The following GRIN2B variants were observed in gnomAD, a reference collection of about 807,000 sequenced individuals.
The protein encoded by GRIN2B is glutamate ionotropic receptor NMDA type subunit 2B, also known as glutamate receptor ionotropic, NMDA 2B.
In GRIN2B, 5 loss-of-function variants were observed where a neutral mutation model predicts 114.5. The ratio of observed to expected loss-of-function variants is 0.04; its 90% CI spans 0.02 to 0.09. The LOEUF (loss-of-function observed/expected upper bound fraction) is 0.09. Ranked by LOEUF, GRIN2B falls within the 10% of genes least tolerant of loss-of-function variation. GRIN2B has a pLI of 1.00. For synonymous variants in GRIN2B, 787 were observed against 745.1 expected, an observed-to-expected ratio of 1.06 and a Z score of -0.92; for missense variants, 1,108 against 1,943.5, an observed-to-expected ratio of 0.57 and a Z score of 8.08.
chr12:13,845,612 C>T (rs1330496788), intron 3 of GRIN2B, among the ~76,000 whole-genome samples: 2 of 152,144 alleles, frequency 1.3e-5, no homozygotes, highest in African/African-American at 4.8e-5. Context: ...CTTAATCTTT[C>T]TTGGCCTCAG....
At chr12:13,750,518 C>T (rs575226181) in intron 4 of GRIN2B, among the ~76,000 whole-genome samples, 5 of 152,312 alleles carry the variant, frequency 3.3e-5, no homozygotes, top group African/African-American at 7.2e-5. Flanking sequence ...TTGATTTCTT[C>T]GTGTTGTTGG....
chr12:13,742,043 A>T (rs913357069), intron 4 of GRIN2B, among the ~76,000 whole-genome samples: 18 of 152,240 alleles, frequency 1.2e-4, no homozygotes, highest in African/African-American at 4.1e-4. Context: ...TTAATGGAAA[A>T]TTTCAGAAAG....
At chr12:13,865,269 T>G (rs1233246190) in intron 3 of GRIN2B, among the ~76,000 whole-genome samples, 1 of 152,156 alleles carries the variant, frequency 6.6e-6, no homozygotes, top group Non-Finnish European at 1.5e-5. Flanking sequence ...TACAAACAAG[T>G]GGACACAAAA....
At chr12:13,783,431 G>GGTTTTGTTTT (rs58630929) in intron 3 of GRIN2B, among the ~76,000 whole-genome samples, 5,798 of 149,724 alleles carry the variant, frequency 0.039, 236 homozygotes, top group African/African-American at 0.11. Flanking sequence ...AACGGAAATA[G>GGTTTTGTTTT]GTTTTGTTTT....
chr12:13,752,502 T>C (rs1863499245), intron 4 of GRIN2B, among the ~76,000 whole-genome samples: 1 of 152,210 alleles, frequency 6.6e-6, no homozygotes, highest in Non-Finnish European at 1.5e-5. Flanking sequence ...TTCTTTATGT[T>C]CTATTTAGTT....
intron 10 of GRIN2B, among the ~76,000 whole-genome samples, chr12:13,575,891 A>G (rs1337772462): frequency 6.6e-6 from 1 of 152,172 alleles, no homozygotes; most frequent in Non-Finnish European, 1.5e-5. Flanking sequence ...TGTAAAAAAA[A>G]TACTTAATAC....
intron 3 of GRIN2B, among the ~76,000 whole-genome samples, chr12:13,811,226 G>C (rs981254605): frequency 2.0e-5 from 3 of 152,160 alleles, no homozygotes; most frequent in African/African-American, 7.2e-5. Flanking sequence ...ATCTGGTAAG[G>C]GTCAGGTGTT....
intron 3 of GRIN2B, among the ~76,000 whole-genome samples, chr12:13,807,244 C>T (rs1021649601): frequency 5.3e-5 from 8 of 152,126 alleles, no homozygotes; most frequent in Non-Finnish European, 8.8e-5. Flanking sequence ...AAACCTGCCA[C>T]GGCTGTATGA....
chr12:13,860,493 T>G (rs1028489942), intron 3 of GRIN2B, among the ~76,000 whole-genome samples: 6 of 151,954 alleles, frequency 3.9e-5, no homozygotes, highest in Non-Finnish European at 7.4e-5. Context: ...CACGCCCAAT[T>G]TTTGTATTTT....
At chr12:13,956,584 C>A (rs73303064) in intron 2 of GRIN2B, among the ~76,000 whole-genome samples, 4,389 of 152,254 alleles carry the variant, frequency 0.029, 76 homozygotes, top group African/African-American at 0.044. Flanking sequence ...ACTGTTCGTT[C>A]CGTATGGACT....
chr12:13,935,577 T>A (rs1258364888), intron 2 of GRIN2B, among the ~76,000 whole-genome samples: 1 of 152,248 alleles, frequency 6.6e-6, no homozygotes, highest in Non-Finnish European at 1.5e-5. Context: ...TGCCATGAGT[T>A]ACTTAGCCCC....
At chr12:13,942,276 A>T (rs1867271633) in intron 2 of GRIN2B, among the ~76,000 whole-genome samples, 1 of 151,796 alleles carries the variant, frequency 6.6e-6, no homozygotes, top group African/African-American at 2.4e-5. Flanking sequence ...TTAAGCAAGA[A>T]CCCCCTTTTT....
At chr12:13,879,571 A>G (rs1210466912) in intron 2 of GRIN2B, among the ~76,000 whole-genome samples, 1 of 152,190 alleles carries the variant, frequency 6.6e-6, no homozygotes, top group East Asian at 1.9e-4. Flanking sequence ...TAACAGTAAT[A>G]ATATAGTTGC....
chr12:13,686,398 C>T (rs902055524), intron 4 of GRIN2B, among the ~76,000 whole-genome samples: 3 of 152,048 alleles, frequency 2.0e-5, no homozygotes, highest in South Asian at 2.1e-4. Flanking sequence ...CTGAAAGAAA[C>T]GTGTAATCAT....
rs146216380 is a variant in GRIN2B at position 13,771,268 on chromosome 12, T to C, written c.412-17353A>G. On this transcript the variant is annotated intron_variant, in intron 3 of 13. Coordinates refer to ENST00000609686, the MANE Select transcript of GRIN2B (RefSeq NM_000834.5). ...CATGATTGTGAGGCCTCCCCAGCCA[T>C]GTGAAACTGTGAGTCAATTAAACCT... Among the ~76,000 whole-genome samples the C allele has an allele frequency of 1.2e-3, 180 of 152,310 alleles. 3 individuals are homozygous for C. The East Asian group carries it at 0.03, about 25-fold the overall frequency.
At chr12:13,848,099 A>G (rs116368654) in intron 3 of GRIN2B, among the ~76,000 whole-genome samples, 1,913 of 152,190 alleles carry the variant, frequency 0.013, 43 homozygotes, top group African/African-American at 0.044. Flanking sequence ...CAGCAGAGCC[A>G]CCCCTCATGC....
At chr12:13,565,068 G>C (rs1372563727) in intron 13 of GRIN2B, among the ~76,000 whole-genome samples, 1 of 152,214 alleles carries the variant, frequency 6.6e-6, no homozygotes, top group African/African-American at 2.4e-5. Flanking sequence ...TGGACACTGA[G>C]GTTGCTCTGC....
At chr12:13,567,808 A>C (rs528185638) in intron 12 of GRIN2B, among the ~76,000 whole-genome samples, 2 of 152,210 alleles carry the variant, frequency 1.3e-5, no homozygotes, top group East Asian at 3.9e-4. Flanking sequence ...AAACAGAAAA[A>C]GGTATAGTAG....
chr12:13,643,985 C>T (rs148834231), intron 5 of GRIN2B, among the ~76,000 whole-genome samples: 119 of 152,150 alleles, frequency 7.8e-4, no homozygotes, highest in Middle Eastern at 3.4e-3. Context: ...CCATGAGGGC[C>T]GGAATAAACT....
Sources: gnomAD v4.1 joint callset for allele counts (sites outside exome capture counted in the v4.1 genomes callset) on GRCh38, gnomAD v4.1.1 for gene constraint, MANE v1.5 for transcripts, NCBI Gene and HGNC (gene_info 2026-07-23, HGNC 2026-07-21) for gene names.